Variants in CD81 observed in about 807,000 individuals in gnomAD.
CD81 encodes the protein CD81 antigen.
A neutral mutation model predicts 30.1 loss-of-function variants in CD81; 10 were observed. That is an observed-to-expected ratio of 0.33 (90% CI 0.21 to 0.56). The LOEUF is 0.56. Among genes scored for constraint, CD81 ranks in the 20% least tolerant of loss-of-function variants. The pLI is 0.89. For synonymous variants in CD81, 147 were observed against 126.4 expected (o/e 1.16, Z -1.10); for missense variants, 263 against 308.7 (o/e 0.85, Z 1.11).
In CD81 at chr11:2,397,146, G is replaced by C. The variant is rs952010149; in HGVS notation, c.*280G>C. 1 of 501,458 alleles carries C rather than the reference G, an allele frequency of 2.0e-6. No homozygotes were observed. Among genetic ancestry groups the C allele is most frequent in the African/African-American group, 2.0e-5 (1 of 51,198 alleles). The allele number at this position is 501,458 out of a possible 1,614,324, so 31.1% of individuals were successfully genotyped here. Reference sequence around the variant, plus strand: ...CCTGGGGTCCCAGGGTGCTCTGCCTGCTCAGCCAGGCCTCTCCTGGGAGCC... The same window carrying C: ...CCTGGGGTCCCAGGGTGCTCTGCCTCCTCAGCCAGGCCTCTCCTGGGAGCC... On this transcript the variant is annotated 3_prime_UTR_variant, in exon 8 of 8. Transcript: ENST00000263645.
chr11:2,379,845 C>A (rs1298802990), intron 1 of CD81, among the ~76,000 whole-genome samples: 1 of 152,162 alleles, frequency 6.6e-6, no homozygotes, highest in Non-Finnish European at 1.5e-5. Flanking sequence ...TCAGTGGTAG[C>A]CAGCAATGCC....
chr11:2,395,089 G>T (rs1386695306), intron 4 of CD81, 43 bp downstream of exon 4: 1 of 1,519,364 alleles, frequency 6.6e-7, no homozygotes, highest in Admixed American at 1.7e-5. Context: ...GGGTGACGGG[G>T]GCACCCTCCT....
At chr11:2,381,270 A>C (rs1228742458) in intron 1 of CD81, among the ~76,000 whole-genome samples, 1 of 152,188 alleles carries the variant, frequency 6.6e-6, no homozygotes, top group Non-Finnish European at 1.5e-5. Context: ...AAAAGCAGGG[A>C]GGTATGGGCC....
chr11:2,388,013 G>C (rs1040275711), intron 1 of CD81, among the ~76,000 whole-genome samples: 2 of 152,150 alleles, frequency 1.3e-5, no homozygotes, highest in Non-Finnish European at 2.9e-5. Flanking sequence ...TTTGGGGTGA[G>C]AGCCCCGTGG....
rs763029467 is a variant in CD81, at chr11:2,397,201, TGGG to T, written c.*339_*341del. The stretch of plus-strand genomic sequence containing the variant: ...GCCCAGAGACTCAGCTTGGCCAACT[TGGG>T]GGGCTGTGTCCACCCAGCCCGCCCG... On this transcript the variant is annotated 3_prime_UTR_variant, in exon 8 of 8. Coordinates refer to ENST00000263645, the MANE Select transcript of CD81 (RefSeq NM_004356.4). The T allele has an allele frequency of 1.2e-5, 5 of 422,198 alleles. No individual in the cohort carries two copies. The highest frequency in any genetic ancestry group is 1.3e-5 in the Non-Finnish European group (3 of 225,900). The allele number at this position is 422,198 out of a possible 1,614,324, so 26.2% of individuals were successfully genotyped here. A position where few individuals can be genotyped will look rare whatever the true frequency, so the allele number is the denominator to read the frequency against.
intron 1 of CD81, chr11:2,385,919 T>G: frequency 1.5e-6 from 1 of 664,346 alleles, no homozygotes; most frequent in Non-Finnish European, 2.8e-6. Context: ...TAAATACCTG[T>G]GCGTGGAGCA....
rs764109776 is a variant in CD81 at position 2,396,730 on chromosome 11, C to CG, written c.648+18dup. On this transcript the variant is annotated intron_variant, in intron 7 of 7. Transcript: ENST00000263645. ...TGTGATCATGGTGAGCGGGCGGGGGCGGAGGGCCTGCTCTCTGGGCTGCCC... is the reference window on the plus strand; with the variant it reads ...TGTGATCATGGTGAGCGGGCGGGGGCGGGAGGGCCTGCTCTCTGGGCTGCCC... 88 of 1,611,222 alleles carry CG rather than the reference C, an allele frequency of 5.5e-5. No homozygotes were observed. The highest frequency in any genetic ancestry group is 7.0e-5 in the Non-Finnish European group (83 of 1,179,740).
intron 1 of CD81, among the ~76,000 whole-genome samples, chr11:2,387,231 A>G (rs765974665): frequency 2.2e-4 from 34 of 152,078 alleles, no homozygotes; most frequent in Non-Finnish European, 2.9e-4. Flanking sequence ...AGAGGGGGAC[A>G]CTGAGGAACC....
upstream of CD81, chr11:2,376,967 G>C (rs1849602333): frequency 6.6e-6 from 1 of 152,422 alleles, no homozygotes; most frequent in African/African-American, 2.4e-5. Context: ...CAAGGTGCTT[G>C]AGGGAGGGAG....
At chr11:2,385,515 C>T (rs1218581655) in intron 1 of CD81, among the ~76,000 whole-genome samples, 1 of 152,150 alleles carries the variant, frequency 6.6e-6, no homozygotes, top group Non-Finnish European at 1.5e-5. Flanking sequence ...GTCGTCTATG[C>T]ACCCGTGCTG....
intron 1 of CD81, among the ~76,000 whole-genome samples, chr11:2,381,021 GTCCT>G (rs1849696210): frequency 6.6e-6 from 1 of 152,230 alleles, no homozygotes; most frequent in Admixed American, 6.5e-5. Context: ...GTCTTTCGCC[GTCCT>G]TCCGGGAGAG....
chr11:2,397,042 G>C lies in CD81; in HGVS notation c.*176G>C. 1 of 677,250 alleles carries C rather than the reference G, an allele frequency of 1.5e-6. No individual in the cohort carries two copies. The highest frequency in any genetic ancestry group is 1.7e-5 in the South Asian group (1 of 58,634). 42.0% of individuals were successfully genotyped at this position (677,250 alleles called of 1,614,324 possible). ...TGAACTTTCCTGTTACCTTTTCAGG[G>C]CTGACGTCACATGTAGGTGGCGTGT... On this transcript the variant is annotated 3_prime_UTR_variant, in exon 8 of 8. Coordinates refer to ENST00000263645, the MANE Select transcript of CD81 (RefSeq NM_004356.4).
At position 2,394,244 on chromosome 11, in the gene CD81, C is replaced by T. The variant is rs550406474; in HGVS notation, c.279+52C>T. The T allele has an allele frequency of 1.6e-5, 21 of 1,291,324 alleles. No homozygotes were observed. In the East Asian group the frequency reaches 1.7e-4, roughly 10 times the overall value. 80.0% of individuals were successfully genotyped at this position (1,291,324 alleles called of 1,614,324 possible). A position where few individuals can be genotyped will look rare whatever the true frequency, so the allele number is the denominator to read the frequency against. On this transcript the variant is annotated intron_variant, in intron 3 of 7. Transcript: ENST00000263645. Reference sequence around the variant, plus strand: ...TGGGCCGGGGAGGGGCTGGGGGCTGCGTCTGGCCCTGAGGAGGGGGCAGAG... The same window carrying T: ...TGGGCCGGGGAGGGGCTGGGGGCTGTGTCTGGCCCTGAGGAGGGGGCAGAG...
chr11:2,396,198 T>TG, intron 6 of CD81: 3 of 606,496 alleles, frequency 4.9e-6, no homozygotes, highest in South Asian at 3.7e-5. Context: ...GTGGAGGCTC[T>TG]GGGGGGTGGG....
At chr11:2,395,585 C>T (rs943899601) in intron 5 of CD81, 65 bp downstream of exon 5, 3 of 1,264,762 alleles carry the variant, frequency 2.4e-6, no homozygotes, top group African/African-American at 2.9e-5. Flanking sequence ...GTGTCTCGTC[C>T]TGGATGAATC....
intron 6 of CD81, chr11:2,396,232 A>G: frequency 1.7e-6 from 1 of 579,394 alleles, no homozygotes; most frequent in Non-Finnish European, 3.1e-6. Flanking sequence ...CCCCAGCTCC[A>G]CGTGTGCACT....
At chr11:2,386,603 G>A (rs1360262452) in intron 1 of CD81, 6 of 717,254 alleles carry the variant, frequency 8.4e-6, no homozygotes, top group Admixed American at 4.0e-5. Context: ...GCATGGCCCC[G>A]TTTGTCCATG....
intron 1 of CD81, among the ~76,000 whole-genome samples, chr11:2,387,406 T>A (rs1268311108): frequency 1.3e-5 from 2 of 152,062 alleles, no homozygotes; most frequent in Non-Finnish European, 2.9e-5. Flanking sequence ...AAATAAGCAA[T>A]GTTTTCAAAG....
intron 1 of CD81, among the ~76,000 whole-genome samples, chr11:2,388,729 G>A (rs115508982): frequency 0.031 from 4,564 of 148,060 alleles, 244 homozygotes; most frequent in African/African-American, 0.11. Context: ...TTGTGCCCTC[G>A]TGGCCCCCCC....
Sources: allele counts gnomAD v4.1 joint callset (sites outside exome capture counted in the v4.1 genomes callset), GRCh38; gene constraint gnomAD v4.1.1; transcripts MANE v1.5; gene names NCBI Gene and HGNC (gene_info 2026-07-23, HGNC 2026-07-21).